KCNQ5: variants seen among roughly 807,000 people sequenced by gnomAD.
KCNQ5 encodes the protein potassium voltage-gated channel subfamily KQT member 5.
In KCNQ5, 30 loss-of-function variants were observed where a neutral mutation model predicts 98.2. The observed-to-expected ratio is 0.31, with a 90% CI of 0.23 to 0.41. KCNQ5 has a LOEUF of 0.41. Ranked by LOEUF, KCNQ5 falls within the 10% of genes least tolerant of loss-of-function variation. The pLI is 1.00. For synonymous variants in KCNQ5, 458 were observed against 449.4 expected (o/e 1.02, Z -0.24); for missense variants, 835 against 1,182.5 (o/e 0.71, Z 4.31).
chr6:72,757,346 G>A (rs75903288), intron 1 of KCNQ5, among the ~76,000 whole-genome samples: 1,610 of 152,204 alleles, frequency 0.011, 17 homozygotes, highest in Non-Finnish European at 0.017. Context: ...CATCTTTAAA[G>A]GAAAATGTAT....
chr6:72,986,021 G>T (rs1012149952), intron 1 of KCNQ5, among the ~76,000 whole-genome samples: 1 of 152,138 alleles, frequency 6.6e-6, no homozygotes, highest in African/African-American at 2.4e-5. Context: ...ATGAGGTCAG[G>T]AGTTCGAGAC....
At chr6:72,925,234 G>A (rs1780581724) in intron 1 of KCNQ5, among the ~76,000 whole-genome samples, 1 of 152,130 alleles carries the variant, frequency 6.6e-6, no homozygotes, top group Admixed American at 6.6e-5. Context: ...CAGTGAGAAG[G>A]AAACAGAGGC....
chr6:73,055,513 T>C (rs1233986700), intron 3 of KCNQ5: 79 of 1,537,362 alleles, frequency 5.1e-5, no homozygotes, highest in Non-Finnish European at 6.8e-5. Flanking sequence ...ATCACAGGTA[T>C]GCAGACCTCA....
chr6:72,910,972 A>T (rs926714747), intron 1 of KCNQ5, among the ~76,000 whole-genome samples: 5 of 152,268 alleles, frequency 3.3e-5, no homozygotes, highest in Middle Eastern at 6.8e-3. Context: ...AGAAGCTCAC[A>T]CACAGGGCCT....
chr6:72,905,784 T>G (rs1477112993), intron 1 of KCNQ5, among the ~76,000 whole-genome samples: 1 of 152,156 alleles, frequency 6.6e-6, no homozygotes, highest in Non-Finnish European at 1.5e-5. Flanking sequence ...TACCAGCACC[T>G]GTTCCAGTAG....
chr6:72,909,727 A>T (rs1779848114), intron 1 of KCNQ5, among the ~76,000 whole-genome samples: 2 of 152,228 alleles, frequency 1.3e-5, no homozygotes, highest in Non-Finnish European at 2.9e-5. Flanking sequence ...TTAGCTTCCT[A>T]ATATAGAAGA....
intron 3 of KCNQ5, among the ~76,000 whole-genome samples, chr6:73,046,670 T>G (rs1320601996): frequency 7.9e-6 from 1 of 127,160 alleles, no homozygotes; most frequent in African/African-American, 2.6e-5. Context: ...GAGGCAGAGT[T>G]TCCCTCTATC....
chr6:73,058,719 A>T (rs1772639050), intron 3 of KCNQ5, among the ~76,000 whole-genome samples: 1 of 152,238 alleles, frequency 6.6e-6, no homozygotes, highest in East Asian at 1.9e-4. Flanking sequence ...TTTATAAGCA[A>T]AAAAACAAAC....
At chr6:72,810,589 A>G (rs1775192590) in intron 1 of KCNQ5, among the ~76,000 whole-genome samples, 1 of 152,072 alleles carries the variant, frequency 6.6e-6, no homozygotes, top group African/African-American at 2.4e-5. Flanking sequence ...GTGATTGGAA[A>G]TGAAAAAGGA....
intron 1 of KCNQ5, among the ~76,000 whole-genome samples, chr6:72,784,617 T>G (rs1773644006): frequency 6.6e-6 from 1 of 152,204 alleles, no homozygotes; most frequent in Non-Finnish European, 1.5e-5. Flanking sequence ...CCTACTTTTC[T>G]CAATGTGTCA....
At chr6:72,705,795 G>T (rs1235472008) in intron 1 of KCNQ5, among the ~76,000 whole-genome samples, 1 of 151,926 alleles carries the variant, frequency 6.6e-6, no homozygotes, top group Non-Finnish European at 1.5e-5. Context: ...AATCTGGGAG[G>T]TAATTTGTTG....
intron 1 of KCNQ5, among the ~76,000 whole-genome samples, chr6:72,866,599 A>C (rs1245045614): frequency 6.6e-6 from 1 of 152,154 alleles, no homozygotes; most frequent in Admixed American, 6.6e-5. Context: ...TCTTAGGCTT[A>C]TCCAAACAAG....
At chr6:72,947,251 A>G (rs1333384655) in intron 1 of KCNQ5, among the ~76,000 whole-genome samples, 1 of 152,220 alleles carries the variant, frequency 6.6e-6, no homozygotes, top group African/African-American at 2.4e-5. Context: ...TGAATATGAA[A>G]TAGGCATTGT....
intron 1 of KCNQ5, among the ~76,000 whole-genome samples, chr6:72,847,731 C>T (rs1453424838): frequency 6.6e-6 from 1 of 152,068 alleles, no homozygotes; most frequent in Non-Finnish European, 1.5e-5. Flanking sequence ...TGTATATGAC[C>T]AACCACTTGT....
chr6:73,137,080 C>G (rs1484140864), intron 10 of KCNQ5, among the ~76,000 whole-genome samples: 1 of 151,118 alleles, frequency 6.6e-6, no homozygotes, highest in Non-Finnish European at 1.5e-5. Context: ...AATAGACTTG[C>G]AATTGAAAGA....
chr6:73,006,775 G>A (rs1769833416), intron 2 of KCNQ5, among the ~76,000 whole-genome samples: 1 of 152,198 alleles, frequency 6.6e-6, no homozygotes, highest in East Asian at 1.9e-4. Context: ...AGAACTATGT[G>A]TAAATCCTAT....
intron 7 of KCNQ5, among the ~76,000 whole-genome samples, chr6:73,112,305 C>T (rs986798308): frequency 1.6e-4 from 24 of 151,774 alleles, no homozygotes; most frequent in Admixed American, 5.9e-4. Context: ...AACGGGCACA[C>T]TGTTTTGTTG....
chr6:73,158,618 CA>C, intron 10 of KCNQ5, among the ~76,000 whole-genome samples: 1 of 152,008 alleles, frequency 6.6e-6, no homozygotes, highest in Non-Finnish European at 1.5e-5. Context: ...TACTTCATAT[CA>C]AAAAGTATAC....
At chr6:72,643,742 T>A (rs182448322) in intron 1 of KCNQ5, among the ~76,000 whole-genome samples, 2 of 152,148 alleles carry the variant, frequency 1.3e-5, no homozygotes, top group African/African-American at 4.8e-5. Context: ...TTTTGATGTC[T>A]CCTAAAGACA....
Sources: allele counts gnomAD v4.1 joint callset (sites outside exome capture counted in the v4.1 genomes callset), GRCh38; gene constraint gnomAD v4.1.1; transcripts MANE v1.5; gene names NCBI Gene and HGNC (gene_info 2026-07-23, HGNC 2026-07-21).